The following PCNX1 variants were observed in gnomAD, a reference collection of about 807,000 sequenced individuals.
PCNX1 encodes the protein pecanex 1, also known as pecanex-like protein 1.
In PCNX1, 78 loss-of-function variants were observed where a neutral mutation model predicts 242.2. That is an observed-to-expected ratio of 0.32 (90% confidence interval 0.27 to 0.39). PCNX1 has a LOEUF of 0.39. Among genes scored for constraint, PCNX1 ranks in the 10% least tolerant of loss-of-function variants. The pLI, the probability that PCNX1 is intolerant of heterozygous loss-of-function variation, is 1.00. For synonymous variants in PCNX1, 1,024 were observed against 1,032.9 expected, an observed-to-expected ratio of 0.99 and a Z score of 0.17; for missense variants, 2,581 against 2,856.5, an observed-to-expected ratio of 0.90 and a Z score of 2.20.
At chr14:70,991,134 A>G (rs189436335) in intron 7 of PCNX1, among the ~76,000 whole-genome samples, 5 of 151,658 alleles carry the variant, frequency 3.3e-5, no homozygotes, top group Admixed American at 2.6e-4. Flanking sequence ...AGCCAATCAC[A>G]TACAATTTTC....
At chr14:70,916,784 A>G (rs1006413166) in intron 1 of PCNX1, among the ~76,000 whole-genome samples, 8 of 152,196 alleles carry the variant, frequency 5.3e-5, no homozygotes, top group Non-Finnish European at 1.2e-4. Context: ...AAATAAGACA[A>G]CAATGAAGTT....
At chr14:70,984,330 A>G (rs2058933387) in intron 6 of PCNX1, among the ~76,000 whole-genome samples, 1 of 151,510 alleles carries the variant, frequency 6.6e-6, no homozygotes, top group Non-Finnish European at 1.5e-5. Context: ...AGTACATGAC[A>G]ACTAGAAAGT....
intron 12 of PCNX1, among the ~76,000 whole-genome samples, chr14:71,020,900 C>G (rs1595269195): frequency 6.6e-6 from 1 of 152,112 alleles, no homozygotes; most frequent in South Asian, 2.1e-4. Context: ...TTAGGTCTTA[C>G]ATTTAAGTCT....
intron 8 of PCNX1, among the ~76,000 whole-genome samples, chr14:71,001,460 A>G (rs1364188444): frequency 2.0e-5 from 3 of 152,224 alleles, no homozygotes; most frequent in Non-Finnish European, 4.4e-5. Context: ...TCTTATTTTC[A>G]TCCCCTGGAT....
In PCNX1 at chr14:70,974,551, T is replaced by C. The variant is rs997794876; in HGVS notation, c.605-2391T>C. Among the ~76,000 whole-genome samples, 50 of 152,236 alleles carry C rather than the reference T, an allele frequency of 3.3e-4. 1 individual carries two copies. Among genetic ancestry groups the C allele is most frequent in the African/African-American group, 1.2e-3 (48 of 41,456 alleles). On this transcript the variant is annotated intron_variant, in intron 5 of 35. Transcript: ENST00000304743. Reference sequence around the variant, plus strand: ...TATTCAATCGTTATTTATAGGACATTGTTATACTTTTTGTGCTTTAAGAAC... The same window carrying C: ...TATTCAATCGTTATTTATAGGACATCGTTATACTTTTTGTGCTTTAAGAAC...
intron 19 of PCNX1, among the ~76,000 whole-genome samples, chr14:71,041,893 T>C (rs930134094): frequency 9.9e-5 from 15 of 152,154 alleles, no homozygotes; most frequent in African/African-American, 3.4e-4. Context: ...TTCATTTGTA[T>C]TGGAAATTTT....
intron 3 of PCNX1, among the ~76,000 whole-genome samples, chr14:70,966,967 A>G (rs1324403202): frequency 1.3e-5 from 2 of 152,262 alleles, no homozygotes; most frequent in Non-Finnish European, 1.5e-5. Flanking sequence ...TGAAAGCAGA[A>G]ATTAGGAAAA....
In PCNX1 at chr14:70,908,005, T is replaced by G; in HGVS notation, c.153+2T>G. ...GGCCTGCCCTTCACCCTCTACATGG[T>G]GAGTGTGGGGGCGGGGAGCGGGTGG... is the stretch of plus-strand genomic sequence containing the variant. On this transcript the variant is annotated splice_donor_variant, in intron 1 of 35. Coordinates refer to ENST00000304743, the MANE Select transcript of PCNX1 (RefSeq NM_014982.3). LOFTEE classifies it high-confidence loss of function. 1 of 1,585,404 alleles carries G rather than the reference T, an allele frequency of 6.3e-7. No homozygotes were observed.
chr14:71,094,590 C>T (rs2062222348), intron 30 of PCNX1, among the ~76,000 whole-genome samples: 1 of 152,074 alleles, frequency 6.6e-6, no homozygotes, highest in African/African-American at 2.4e-5. Flanking sequence ...TCTTTCCCCA[C>T]CCCCTCCAAC....
chr14:71,036,067 T>G lies in PCNX1; in HGVS notation c.3777T>G (p.Ser1259Arg). The G allele has an allele frequency of 6.3e-6, 10 of 1,582,538 alleles. No individual in the cohort carries two copies. Among genetic ancestry groups the G allele is most frequent in the Non-Finnish European group, 8.7e-6 (10 of 1,153,328 alleles). The change falls in exon 19 of 36, where the codon AGT (serine) becomes AGG (arginine). Residue 1259 changes from serine to arginine, a missense_variant and splice_region_variant. Ser to Arg is a moderately radical substitution (Grantham distance 110). Transcript: ENST00000304743. ...PLPEKLRNSV[S>R]ERLQSDLVVC... ...ATAATTCTTTTTTTTCCCCACAGAG[T>G]GAGCGATTACAGTCTGACCTGGTAG...
At chr14:70,944,731 C>T (rs2057391801) in intron 1 of PCNX1, among the ~76,000 whole-genome samples, 1 of 152,132 alleles carries the variant, frequency 6.6e-6, no homozygotes, top group Non-Finnish European at 1.5e-5. Context: ...TTGTGATAAT[C>T]CCCATGTGTC....
chr14:70,923,872 T>G (rs1388998005), intron 1 of PCNX1, among the ~76,000 whole-genome samples: 1 of 152,174 alleles, frequency 6.6e-6, no homozygotes, highest in Non-Finnish European at 1.5e-5. Context: ...CCAGGTACAT[T>G]ATTAAGATAA....
intron 7 of PCNX1, among the ~76,000 whole-genome samples, chr14:70,991,622 T>C (rs559995303): frequency 3.9e-5 from 6 of 152,320 alleles, no homozygotes; most frequent in African/African-American, 1.4e-4. Context: ...TGCATATATC[T>C]TAAATAAGCT....
At chr14:71,046,841 G>A (rs552624903) in intron 20 of PCNX1, 123 bp from the exon 21 acceptor site, 37 of 659,804 alleles carry the variant, frequency 5.6e-5, no homozygotes, top group African/African-American at 5.3e-4. Flanking sequence ...TTAAAGTACT[G>A]GCTTTTTAAA....
At chr14:71,011,654 CAA>C in intron 10 of PCNX1, 105 bp downstream of exon 10, 2 of 734,264 alleles carry the variant, frequency 2.7e-6, no homozygotes. Flanking sequence ...TGAAGTTACA[CAA>C]AAATTTTTTG....
rs200981594 is a variant in PCNX1, at chr14:71,109,836, C to T, written c.6927C>T (p.Thr2309=). Residue 2309 remains threonine, a synonymous_variant, in exon 36 of 36, where the codon ACC becomes ACT. Coordinates refer to ENST00000304743, the MANE Select transcript of PCNX1 (RefSeq NM_014982.3). ...TGCCTTGCAGCAGAGATCCAGGTAC[C>T]AGATCCCACATCGACAAGGCAGTGC... The part of the protein sequence containing the change: ...RWVPCSRDPG[T]RSHIDKAVLL... The T allele has an allele frequency of 6.4e-5, 103 of 1,613,304 alleles. No individual in the cohort carries two copies. The highest frequency in any genetic ancestry group is 7.9e-5 in the Non-Finnish European group (93 of 1,179,322).
At chr14:71,033,816 T>C (rs2060457052) in intron 17 of PCNX1, 115 bp from the exon 18 acceptor site, 1 of 655,904 alleles carries the variant, frequency 1.5e-6, no homozygotes, top group Non-Finnish European at 2.7e-6. Context: ...TCTCATTTGG[T>C]AATGATTAAA....
chr14:71,090,575 G>C (rs1432409281), intron 30 of PCNX1, among the ~76,000 whole-genome samples: 1 of 152,132 alleles, frequency 6.6e-6, no homozygotes, highest in African/African-American at 2.4e-5. Context: ...ATTAATTTGG[G>C]ATCAAATAGA....
At chr14:70,910,218 C>CCTCCTCCTTCTCCTCCTCCTT (rs2055830847) in intron 1 of PCNX1, among the ~76,000 whole-genome samples, 1 of 69,440 alleles carries the variant, frequency 1.4e-5, no homozygotes, top group Non-Finnish European at 3.3e-5. Flanking sequence ...TCCTCCTCCT[C>CCTCCTCCTTCTCCTCCTCCTT]CTCCTCCTCC....
Sources: allele counts gnomAD v4.1 joint callset (sites outside exome capture counted in the v4.1 genomes callset), GRCh38; gene constraint gnomAD v4.1.1; transcripts MANE v1.5; gene names NCBI Gene and HGNC (gene_info 2026-07-23, HGNC 2026-07-21).